The following NEMP2 variants were observed in gnomAD, a reference collection of about 807,000 sequenced individuals.
The protein encoded by NEMP2 is UPF0571 transmembrane protein.
In NEMP2, 53 loss-of-function variants were observed where a neutral mutation model predicts 54.2. The ratio of observed to expected loss-of-function variants is 0.98; its 90% CI spans 0.78 to 1.23. NEMP2 has a LOEUF of 1.23. Among genes scored for constraint, NEMP2 ranks in the 50% most tolerant of loss-of-function variants. The pLI is 0.00. For missense variants in NEMP2, 455 were observed against 511.3 expected (o/e 0.89, Z 1.06); for synonymous variants, 197 against 190.3 (o/e 1.04, Z -0.29).
At chr2:190,451,981 A>G in the NEMP2 span, among the ~76,000 whole-genome samples, 1 of 152,160 alleles carries the variant, frequency 6.6e-6, no homozygotes, top group East Asian at 1.9e-4. This position sits in a 1 kb window ranked among gnomAD's most constrained non-coding sequence, Gnocchi z 5.0. Flanking sequence ...TTTTAGAGAA[A>G]TTACAAGCTG....
the NEMP2 span, among the ~76,000 whole-genome samples, chr2:190,426,019 A>T: frequency 0.46 from 69,516 of 151,866 alleles, 16,327 homozygotes; most frequent in Admixed American, 0.61. The surrounding 1 kb of genome is among the most constrained non-coding windows in gnomAD (Gnocchi z 4.7). Flanking sequence ...TTGACTGATG[A>T]GTTTTGGTGT....
the NEMP2 span, among the ~76,000 whole-genome samples, chr2:190,445,392 A>G: frequency 0.23 from 34,784 of 151,546 alleles, 4,927 homozygotes; most frequent in South Asian, 0.33. Flanking sequence ...ACATGCTAAA[A>G]GTAGGACTTA....
the NEMP2 span, among the ~76,000 whole-genome samples, chr2:190,617,914 C>A: frequency 6.6e-6 from 1 of 152,132 alleles, no homozygotes; most frequent in Non-Finnish European, 1.5e-5. The surrounding 1 kb of genome is among the most constrained non-coding windows in gnomAD (Gnocchi z 5.0). Context: ...GTTTCATGAT[C>A]ATTTCCTTAA....
the NEMP2 span, among the ~76,000 whole-genome samples, chr2:190,632,946 C>T: frequency 2.6e-5 from 4 of 152,338 alleles, no homozygotes; most frequent in South Asian, 2.1e-4. This position sits in a 1 kb window ranked among gnomAD's most constrained non-coding sequence, Gnocchi z 4.8. Context: ...TCCCACCCAC[C>T]GTTGCAGTAC....
At chr2:190,470,728 A>G in the NEMP2 span, among the ~76,000 whole-genome samples, 35 of 152,324 alleles carry the variant, frequency 2.3e-4, 1 homozygote, top group South Asian at 3.3e-3. Context: ...ATTAATTGTC[A>G]TGATGAAAGA....
chr2:190,623,316 A>C, the NEMP2 span, among the ~76,000 whole-genome samples: 14 of 152,080 alleles, frequency 9.2e-5, no homozygotes, highest in African/African-American at 3.1e-4. Context: ...AGAAAAAAAA[A>C]CCCTAAAATT....
the NEMP2 span, among the ~76,000 whole-genome samples, chr2:190,570,194 T>G: frequency 6.6e-6 from 1 of 152,222 alleles, no homozygotes; most frequent in Non-Finnish European, 1.5e-5. The surrounding 1 kb of genome is among the most constrained non-coding windows in gnomAD (Gnocchi z 5.4). Context: ...GGACTGATAG[T>G]CTGATAGTCA....
intron 1 of NEMP2, among the ~76,000 whole-genome samples, chr2:190,532,862 G>A (rs1014186668): frequency 1.3e-5 from 2 of 152,166 alleles, no homozygotes; most frequent in Admixed American, 1.3e-4. Context: ...AGTCCGTATT[G>A]GAAAGCCTAC....
the NEMP2 span, among the ~76,000 whole-genome samples, chr2:190,467,321 C>T: frequency 1.7e-4 from 26 of 152,232 alleles, no homozygotes; most frequent in Middle Eastern, 3.4e-3. This position sits in a 1 kb window ranked among gnomAD's most constrained non-coding sequence, Gnocchi z 5.5. Flanking sequence ...TGATGTCCAG[C>T]CAAGGTTAAG....
chr2:190,607,519 C>G, the NEMP2 span: 1 of 152,148 alleles, frequency 6.6e-6, no homozygotes, highest in Non-Finnish European at 1.5e-5. The surrounding 1 kb of genome is among the most constrained non-coding windows in gnomAD (Gnocchi z 5.2). Context: ...AGAAATGCTA[C>G]AGTCTAGCCC....
the NEMP2 span, among the ~76,000 whole-genome samples, chr2:190,574,932 A>G: frequency 1.3e-5 from 2 of 150,526 alleles, no homozygotes; most frequent in African/African-American, 4.9e-5. Flanking sequence ...TCAGCTCACT[A>G]CGATCTCCAC....
the NEMP2 span, among the ~76,000 whole-genome samples, chr2:190,484,452 CTACTT>C: frequency 9.8e-5 from 15 of 152,318 alleles, no homozygotes; most frequent in South Asian, 3.1e-3. Context: ...TTTGTCCCCT[CTACTT>C]TACAGGAATG....
the NEMP2 span, among the ~76,000 whole-genome samples, chr2:190,603,508 C>T: frequency 6.7e-6 from 1 of 149,868 alleles, no homozygotes; most frequent in African/African-American, 2.5e-5. Context: ...TGCTTCCACT[C>T]TCTCCACACT....
chr2:190,556,236 T>C, the NEMP2 span, among the ~76,000 whole-genome samples: 1 of 152,232 alleles, frequency 6.6e-6, no homozygotes. Context: ...ACCACATGAT[T>C]ATCTCAATAG....
the NEMP2 span, among the ~76,000 whole-genome samples, chr2:190,425,471 C>T: frequency 8.5e-5 from 13 of 152,188 alleles, no homozygotes; most frequent in Non-Finnish European, 1.8e-4. The surrounding 1 kb of genome is among the most constrained non-coding windows in gnomAD (Gnocchi z 4.3). Flanking sequence ...CATGGGTTTC[C>T]GTAGGTGATC....
chr2:190,438,545 T>C, the NEMP2 span, among the ~76,000 whole-genome samples: 3 of 152,140 alleles, frequency 2.0e-5, no homozygotes, highest in African/African-American at 7.2e-5. This position sits in a 1 kb window ranked among gnomAD's most constrained non-coding sequence, Gnocchi z 5.2. Flanking sequence ...AAGTGCCTAG[T>C]GTTTCTTGTT....
At position 190,534,578 on chromosome 2, in the gene NEMP2, C is replaced by T. The variant is rs1044989803; in HGVS notation, c.78G>A (p.Ala26=). 3.6e-6 allele frequency: 5 copies of T among 1,399,266 alleles called. No homozygotes were observed. Among genetic ancestry groups the T allele is most frequent in the Admixed American group, 3.3e-5 (1 of 30,544 alleles). The allele number at this position is 1,399,266 out of a possible 1,614,324, so 86.7% of individuals were successfully genotyped here. A position where few individuals can be genotyped will look rare whatever the true frequency, so the allele number is the denominator to read the frequency against. ...GGTTACCTGATAACGCTGCCGCCGC[C>T]GCCTCCCCGCGCACGGGCAGTGTGG... ...PLATLPVRGE[A]AAAALSVRRC... is the part of the protein sequence containing the mutation. Residue 26 remains alanine (A), a synonymous_variant, in exon 1 of 9, where the codon GCG becomes GCA. Transcript: ENST00000409150.
chr2:190,550,016 G>A, the NEMP2 span, among the ~76,000 whole-genome samples: 2 of 152,068 alleles, frequency 1.3e-5, no homozygotes, highest in South Asian at 4.1e-4. The surrounding 1 kb of genome is among the most constrained non-coding windows in gnomAD (Gnocchi z 4.7). Context: ...TGATCACACT[G>A]ATATTTCTAA....
the NEMP2 span, chr2:190,436,723 G>A: frequency 6.2e-7 from 1 of 1,614,180 alleles, no homozygotes; most frequent in Non-Finnish European, 8.5e-7. This position sits in a 1 kb window ranked among gnomAD's most constrained non-coding sequence, Gnocchi z 5.3. Context: ...CCAGACAGGT[G>A]AAATTACTAA....
Sources: allele counts gnomAD v4.1 joint callset (sites outside exome capture counted in the v4.1 genomes callset), GRCh38; gene constraint gnomAD v4.1.1; non-coding constraint Gnocchi (gnomAD v3.1); transcripts MANE v1.5; gene names NCBI Gene and HGNC (gene_info 2026-07-23, HGNC 2026-07-21).